The following WWOX variants were observed in gnomAD, a reference collection of about 807,000 sequenced individuals.
WWOX encodes the protein WW domain containing oxidoreductase, also known as WW domain-containing oxidoreductase.
In WWOX, 69 loss-of-function variants were observed where a neutral mutation model predicts 46.2. The observed-to-expected ratio is 1.49, with a 90% CI of 1.23 to 1.82. WWOX has a LOEUF of 1.82. Ranked by LOEUF, WWOX falls within the 40% of genes most tolerant of loss-of-function variation. WWOX has a pLI of 0.00. For missense variants in WWOX, 919 were observed against 542.6 expected (o/e 1.69, Z -6.89); for synonymous variants, 359 against 202.6 (o/e 1.77, Z -6.56).
At position 79,090,933 on chromosome 16, in the gene WWOX, A is replaced by G. The variant is rs149077346; in HGVS notation, c.1057-120675A>G. Among the ~76,000 whole-genome samples, 35 of 152,322 alleles carry G rather than the reference A, an allele frequency of 2.3e-4. No individual in the cohort carries two copies. In the East Asian group the frequency reaches 5.6e-3, roughly 24 times the overall value. ...CTCAGCCTCCCAAGAAGTTGGGACT[A>G]CAGGCATTCATGCCACCGCACCCAG... On this transcript the variant is annotated intron_variant, in intron 8 of 8. Transcript: ENST00000566780.
chr16:79,127,860 A>G (rs1315929930), intron 8 of WWOX, among the ~76,000 whole-genome samples: 1 of 152,182 alleles, frequency 6.6e-6, no homozygotes, highest in African/African-American at 2.4e-5. Flanking sequence ...AAGGAGAAAT[A>G]TTTTGTTGGG....
chr16:78,950,853 G>T (rs7198076), intron 8 of WWOX, among the ~76,000 whole-genome samples: 19,578 of 152,166 alleles, frequency 0.13, 1,327 homozygotes, highest in Middle Eastern at 0.24. Flanking sequence ...GGCTCTGATT[G>T]TCTCTTCTTA....
At chr16:78,431,635 G>C (rs1024836825) in intron 7 of WWOX, among the ~76,000 whole-genome samples, 1 of 151,582 alleles carries the variant, frequency 6.6e-6, no homozygotes, top group African/African-American at 2.4e-5. Context: ...CAGTATGTCA[G>C]GACTGCTACA....
intron 8 of WWOX, chr16:79,202,822 G>A (rs2051387332): frequency 6.6e-6 from 1 of 152,124 alleles, no homozygotes; most frequent in Admixed American, 6.6e-5. Context: ...GTTATTTACA[G>A]TCTACATAGG....
At chr16:78,550,185 A>C (rs920926095) in intron 8 of WWOX, among the ~76,000 whole-genome samples, 2 of 152,232 alleles carry the variant, frequency 1.3e-5, no homozygotes, top group Non-Finnish European at 2.9e-5. Context: ...TGTCATTAAA[A>C]GTTCTCACTG....
At chr16:78,814,625 T>G (rs2051283545) in intron 8 of WWOX, among the ~76,000 whole-genome samples, 2 of 152,214 alleles carry the variant, frequency 1.3e-5, no homozygotes, top group Non-Finnish European at 2.9e-5. Flanking sequence ...ATTACATTGG[T>G]TCTTTTCTAT....
intron 4 of WWOX, among the ~76,000 whole-genome samples, chr16:78,142,002 T>A (rs2034005835): frequency 6.6e-6 from 1 of 151,892 alleles, no homozygotes; most frequent in African/African-American, 2.4e-5. Flanking sequence ...TCTTTTTTTT[T>A]TTTTTTAAAG....
chr16:78,544,941 C>T (rs1452231577), intron 8 of WWOX, among the ~76,000 whole-genome samples: 1 of 150,590 alleles, frequency 6.6e-6, no homozygotes, highest in Non-Finnish European at 1.5e-5. Flanking sequence ...CTTTGGGAGG[C>T]CAAGGTGGGA....
chr16:78,435,203 G>C (rs559443266), intron 8 of WWOX, among the ~76,000 whole-genome samples: 7 of 152,210 alleles, frequency 4.6e-5, no homozygotes, highest in African/African-American at 1.7e-4. Context: ...CCATGTCGGG[G>C]AGGATGCACA....
chr16:78,639,730 AT>A (rs1314050937), intron 8 of WWOX, among the ~76,000 whole-genome samples: 1 of 151,854 alleles, frequency 6.6e-6, no homozygotes, highest in Non-Finnish European at 1.5e-5. Flanking sequence ...CGCCCAGCTA[AT>A]TTTTTGTCTT....
At chr16:78,988,637 T>G (rs553979648) in intron 8 of WWOX, among the ~76,000 whole-genome samples, 93 of 152,334 alleles carry the variant, frequency 6.1e-4, no homozygotes, top group African/African-American at 2.2e-3. Flanking sequence ...AAAAGGAAGT[T>G]ACTGATGTGT....
At chr16:78,932,929 G>A (rs921816245) in intron 8 of WWOX, among the ~76,000 whole-genome samples, 1 of 152,200 alleles carries the variant, frequency 6.6e-6, no homozygotes, top group African/African-American at 2.4e-5. Context: ...AGTCCAGGTT[G>A]AACCTTGCTG....
chr16:78,944,880 G>A (rs948745759), intron 8 of WWOX, among the ~76,000 whole-genome samples: 1 of 151,962 alleles, frequency 6.6e-6, no homozygotes, highest in African/African-American at 2.4e-5. Context: ...GATTCTAATT[G>A]AAAAACTTTT....
chr16:78,243,533 G>T (rs1010236412), intron 5 of WWOX, among the ~76,000 whole-genome samples: 12 of 151,774 alleles, frequency 7.9e-5, no homozygotes, highest in African/African-American at 2.9e-4. Context: ...CCCTCCAGTA[G>T]GCCCCAGTGT....
intron 8 of WWOX, among the ~76,000 whole-genome samples, chr16:78,947,513 G>A (rs1458774799): frequency 2.6e-5 from 4 of 152,168 alleles, no homozygotes; most frequent in Non-Finnish European, 4.4e-5. Context: ...ATGCAGAGTC[G>A]GCTGGGAGCC....
Position 78,946,811 on chromosome 16 carries a change from T to A in WWOX, c.1057-264797T>A, listed in dbSNP as rs74460604. Reference sequence around the variant, plus strand: ...CTCAGTGCAAGACAAGATTCTGGCGTAAGAACTGCGGTAGCAAGGACAAGA... The same window carrying A: ...CTCAGTGCAAGACAAGATTCTGGCGAAAGAACTGCGGTAGCAAGGACAAGA... On this transcript the variant is annotated intron_variant, in intron 8 of 8. Transcript: ENST00000566780. Among the ~76,000 whole-genome samples the A allele has an allele frequency of 5.3e-5, 8 of 152,064 alleles. No homozygotes were observed. In the East Asian group the frequency reaches 1.6e-3, roughly 30 times the overall value.
At chr16:78,332,273 C>G (rs373891734) in intron 5 of WWOX, among the ~76,000 whole-genome samples, 1 of 152,134 alleles carries the variant, frequency 6.6e-6, no homozygotes. Context: ...ATTTTAGAAT[C>G]TCTGCTTCCG....
intron 5 of WWOX, among the ~76,000 whole-genome samples, chr16:78,195,832 AAAAAAAAAG>A: frequency 6.7e-6 from 1 of 150,088 alleles, no homozygotes; most frequent in East Asian, 2.0e-4. Flanking sequence ...AAAAAAAAAA[AAAAAAAAAG>A]AAAAAAAAAA....
chr16:78,754,699 A>G (rs949998305), intron 8 of WWOX, among the ~76,000 whole-genome samples: 3 of 152,196 alleles, frequency 2.0e-5, no homozygotes, highest in Non-Finnish European at 4.4e-5. Flanking sequence ...TTGGTTATGC[A>G]GTGCATTTAT....
Sources: gnomAD v4.1 joint callset for allele counts (sites outside exome capture counted in the v4.1 genomes callset) on GRCh38, gnomAD v4.1.1 for gene constraint, MANE v1.5 for transcripts, NCBI Gene and HGNC (gene_info 2026-07-23, HGNC 2026-07-21) for gene names.